XRN2: variants seen among roughly 807,000 people sequenced by gnomAD.
XRN2 encodes the protein 5'-3' exoribonuclease 2, also known as DHM1-like protein.
Under a neutral mutation model 138.5 loss-of-function variants are expected in XRN2, and 44 were observed. The observed-to-expected ratio is 0.32, with a 90% CI of 0.25 to 0.41. XRN2 has a LOEUF of 0.41. XRN2 is among the 10% of genes least tolerant of loss of function. The probability of loss-of-function intolerance (pLI) is 1.00; values close to 1 mark genes in which losing one functional copy is unlikely to be tolerated. For missense variants in XRN2, 937 were observed against 1,169.3 expected (o/e 0.80, Z 2.90); for synonymous variants, 354 against 369.4 (o/e 0.96, Z 0.48).
At chr20:21,369,289 C>T (rs572706849) in intron 27 of XRN2, among the ~76,000 whole-genome samples, 1 of 152,140 alleles carries the variant, frequency 6.6e-6, no homozygotes, top group Non-Finnish European at 1.5e-5. Flanking sequence ...TGTATATGTA[C>T]CACATTTTAT....
Position 21,346,478 on chromosome 20 carries a change from T to C in XRN2, c.1593T>C (p.Asp531=). Reference sequence around the variant, plus strand: ...ACAAATTTGATGTGGATGCAGCTGATGAGAAATTCCGTCGGAAAGTTGTGC... The same window carrying C: ...ACAAATTTGATGTGGATGCAGCTGACGAGAAATTCCGTCGGAAAGTTGTGC... ...YKNKFDVDAA[D]EKFRRKVVQS... Residue 531 remains aspartate (D), a synonymous_variant, in exon 17 of 30, where the codon GAT becomes GAC. Transcript: ENST00000377191. 1 of 1,614,168 alleles carries C rather than the reference T, an allele frequency of 6.2e-7. No individual in the cohort carries two copies. The highest frequency in any genetic ancestry group is 8.5e-7 in the Non-Finnish European group (1 of 1,179,972).
intron 17 of XRN2, 42 bp downstream of exon 17, chr20:21,346,592 T>G (rs770632518): frequency 4.4e-6 from 7 of 1,582,654 alleles, no homozygotes; most frequent in Non-Finnish European, 6.0e-6. Flanking sequence ...AGTTAATCAT[T>G]TAAGAAAAAT....
At chr20:21,387,859 C>T (rs2038951437) in intron 29 of XRN2, among the ~76,000 whole-genome samples, 1 of 152,208 alleles carries the variant, frequency 6.6e-6, no homozygotes, top group Admixed American at 6.5e-5. Flanking sequence ...CTTCTCACAG[C>T]TAAGGAACAT....
chr20:21,363,105 G>A (rs768351767), intron 24 of XRN2, among the ~76,000 whole-genome samples: 78 of 152,082 alleles, frequency 5.1e-4, no homozygotes, highest in Non-Finnish European at 9.3e-4. Flanking sequence ...TTCCCTCCCC[G>A]CAGTACACAC....
chr20:21,333,573 T>G lies in XRN2; in HGVS notation c.888T>G (p.Cys296Trp). 2 of 1,613,754 alleles carry G rather than the reference T, an allele frequency of 1.2e-6. No individual in the cohort carries two copies. The highest frequency in any genetic ancestry group is 1.7e-6 in the Non-Finnish European group (2 of 1,179,634). The change falls in exon 10 of 30, where the codon TGT becomes TGG. Residue 296 changes from cysteine to tryptophan, a missense_variant. Around this residue, in one of 6 missense-constraint regions of XRN2, gnomAD observed 471 missense variants for 581.2 expected, o/e 0.81. Transcript: ENST00000377191. ...ATGAACTTGCCGATAGTCTTCCTTG[T>G]GCAGAAGGAGAGTTTATCTTCCTTC... Reference protein sequence around the residue: ...KHDELADSLPCAEGEFIFLRL... With the variant: ...KHDELADSLPWAEGEFIFLRL...
chr20:21,312,143 C>G (rs993575231), intron 1 of XRN2, among the ~76,000 whole-genome samples: 3 of 151,632 alleles, frequency 2.0e-5, no homozygotes, highest in African/African-American at 7.3e-5. Flanking sequence ...AGAGGAGTTT[C>G]ACTGTGTTGC....
At chr20:21,363,447 C>G (rs2122300042) in intron 24 of XRN2, among the ~76,000 whole-genome samples, 1 of 152,324 alleles carries the variant, frequency 6.6e-6, no homozygotes, top group Middle Eastern at 3.4e-3. Context: ...AAATACTTAA[C>G]TACCATTTTC....
At chr20:21,373,117 G>C (rs544830847) in intron 27 of XRN2, among the ~76,000 whole-genome samples, 1 of 152,008 alleles carries the variant, frequency 6.6e-6, no homozygotes, top group Non-Finnish European at 1.5e-5. Flanking sequence ...GGTTCAAGCA[G>C]TTCTGCCTCA....
intron 13 of XRN2, among the ~76,000 whole-genome samples, chr20:21,334,840 A>T (rs539680868): frequency 2.6e-5 from 4 of 152,240 alleles, no homozygotes; most frequent in Middle Eastern, 3.4e-3. Flanking sequence ...CATTTTGGAG[A>T]TGTTTAATGT....
intron 27 of XRN2, among the ~76,000 whole-genome samples, chr20:21,374,041 A>C (rs1436322095): frequency 5.3e-5 from 8 of 152,212 alleles, no homozygotes; most frequent in African/African-American, 1.9e-4. Context: ...AAATCATCAC[A>C]ATAAAAAATT....
At chr20:21,366,930 A>T (rs1600712035) in intron 26 of XRN2, among the ~76,000 whole-genome samples, 1 of 152,202 alleles carries the variant, frequency 6.6e-6, no homozygotes, top group East Asian at 1.9e-4. Context: ...TCTGACTCTT[A>T]CTTCAAGGGA....
intron 1 of XRN2, among the ~76,000 whole-genome samples, chr20:21,312,279 A>G (rs987919489): frequency 1.9e-4 from 29 of 151,706 alleles, no homozygotes; most frequent in Admixed American, 1.4e-3. Context: ...TGCCCAGCTA[A>G]GTTTTTGTAT....
chr20:21,378,295 T>C (rs973500542), intron 27 of XRN2, among the ~76,000 whole-genome samples: 1 of 152,198 alleles, frequency 6.6e-6, no homozygotes, highest in African/African-American at 2.4e-5. Context: ...GTTGAAACTG[T>C]AAGTTTCTGA....
chr20:21,326,185 G>T, intron 1 of XRN2, 94 bp from the exon 2 acceptor site: 1 of 1,284,876 alleles, frequency 7.8e-7, no homozygotes, highest in Non-Finnish European at 1.1e-6. Context: ...TTTATTTCCA[G>T]TTCAGAAATG....
Position 21,333,930 on chromosome 20 carries a change from C to A in XRN2, c.1068-7C>A, listed in dbSNP as rs1400603368. 6.2e-7 allele frequency: 1 copy of A among 1,613,958 alleles called. No individual in the cohort carries two copies. The highest frequency in any genetic ancestry group is 1.3e-5 in the African/African-American group (1 of 74,912). On this transcript the variant is annotated splice_polypyrimidine_tract_variant and splice_region_variant and intron_variant, in intron 11 of 29. Coordinates refer to ENST00000377191, the MANE Select transcript of XRN2 (RefSeq NM_012255.5). ...CCTAATGCATAATGTTTGTCTCTTG[C>A]TGACAGGGAAAATGCAATTGACCGT...
Position 21,328,549 on chromosome 20 carries a change from A to G in XRN2, c.316-10A>G. 1 of 1,610,084 alleles carries G rather than the reference A, an allele frequency of 6.2e-7. No homozygotes were observed. Among genetic ancestry groups the G allele is most frequent in the Non-Finnish European group, 8.5e-7 (1 of 1,177,414 alleles). ...TGATGAGTGTTATGGAATATGAAAT[A>G]CATTTTCAGGCACCACGTGCTAAAA... is the stretch of plus-strand genomic sequence containing the variant. On this transcript the variant is annotated splice_polypyrimidine_tract_variant and intron_variant, in intron 3 of 29. Coordinates refer to ENST00000377191, the MANE Select transcript of XRN2 (RefSeq NM_012255.5).
chr20:21,343,934 G>A (rs2038403571), intron 15 of XRN2, among the ~76,000 whole-genome samples, 156 bp from the exon 16 acceptor site: 1 of 152,026 alleles, frequency 6.6e-6, no homozygotes, highest in African/African-American at 2.4e-5. Flanking sequence ...AATGGAGCAA[G>A]ATCAGTCTCT....
In XRN2 at chr20:21,334,184, A is replaced by C. The variant is rs1409674029; in HGVS notation, c.1232A>C (p.Glu411Ala). 6.2e-7 allele frequency: 1 copy of C among 1,612,388 alleles called. No homozygotes were observed. The highest frequency in any genetic ancestry group is 8.5e-7 in the Non-Finnish European group (1 of 1,179,256). The change falls in exon 13 of 30, where the codon GAG (glutamate) becomes GCG (alanine). Residue 411 changes from glutamate to alanine, a missense_variant and splice_region_variant. Glu to Ala is a moderately radical substitution (Grantham distance 107). Around this residue, in one of 6 missense-constraint regions of XRN2, gnomAD observed 471 missense variants for 581.2 expected, o/e 0.81. Transcript: ENST00000377191. ...DSIFKKRKDD[E>A]DSFRRRQKEK... is the part of the protein sequence containing the mutation. The stretch of plus-strand genomic sequence containing the variant: ...ATTTTTAAAAAGAGAAAGGATGATG[A>C]GGTAAAGTGTTTCTATTGCAGTAGC...
intron 3 of XRN2, among the ~76,000 whole-genome samples, chr20:21,327,428 T>TG (rs2038143631): frequency 6.6e-6 from 1 of 152,230 alleles, no homozygotes. Context: ...GGGATGATTT[T>TG]GGAAATTCAG....
Sources: gnomAD v4.1 joint callset for allele counts (sites outside exome capture counted in the v4.1 genomes callset) on GRCh38, gnomAD v4.1.1 for gene constraint, gnomAD v4.1.1 regional missense constraint, MANE v1.5 for transcripts, NCBI Gene and HGNC (gene_info 2026-07-23, HGNC 2026-07-21) for gene names.